Variants in LCP2 observed in about 807,000 individuals in gnomAD.
LCP2 encodes lymphocyte cytosolic protein 2.
Under a neutral mutation model 74.5 loss-of-function variants are expected in LCP2, and 29 were observed. The ratio of observed to expected loss-of-function variants is 0.39; its 90% confidence interval spans 0.29 to 0.53. The LOEUF is 0.53. Among genes scored for constraint, LCP2 ranks in the 20% least tolerant of loss-of-function variants. The probability of loss-of-function intolerance (pLI) is 0.72; values close to 1 mark genes in which losing one functional copy is unlikely to be tolerated. For synonymous variants in LCP2, 228 were observed against 229.5 expected, an observed-to-expected ratio of 0.99 and a Z score of 0.06; for missense variants, 604 against 634.6, an observed-to-expected ratio of 0.95 and a Z score of 0.52.
rs140894085 is a variant in LCP2, at chr5:170,266,037, T to C, written c.772+771A>G. Among the ~76,000 whole-genome samples the C allele has an allele frequency of 8.7e-4, 133 of 152,314 alleles. 1 individual carries two copies. The highest frequency in any genetic ancestry group is 3.2e-3 in the African/African-American group (131 of 41,564). On this transcript the variant is annotated intron_variant, in intron 10 of 20. Transcript: ENST00000046794. ...TAATTTTATCATCTGAGAAGTGAGG[T>C]TAAAAATGCACCTCCTTTGTTGAGT...
intron 10 of LCP2, 111 bp downstream of exon 10, chr5:170,266,697 T>A: frequency 1.1e-6 from 1 of 920,750 alleles, no homozygotes; most frequent in South Asian, 1.4e-5. Context: ...AGTCTCCACT[T>A]CCTAGTATTG....
chr5:170,250,252 CAG>C (rs545820309), intron 20 of LCP2, among the ~76,000 whole-genome samples: 139 of 152,316 alleles, frequency 9.1e-4, no homozygotes, highest in Non-Finnish European at 1.7e-3. Flanking sequence ...CTTGGCCTAA[CAG>C]AGAATTTCTT....
At chr5:170,264,227 T>C (rs1414614013) in intron 10 of LCP2, among the ~76,000 whole-genome samples, 2 of 152,260 alleles carry the variant, frequency 1.3e-5, no homozygotes, top group East Asian at 3.8e-4. Context: ...TCTTCAGACA[T>C]ACTGAAGACC....
Position 170,272,597 on chromosome 5 carries a change from C to CTTTTTTTTTTTTTTTTTTTTTTTTT in LCP2, c.324+1679_325-1681dup, listed in dbSNP as rs61463939. Among the ~76,000 whole-genome samples the CTTTTTTTTTTTTTTTTTTTTTTTTT allele has an allele frequency of 1.2e-4, 5 of 40,342 alleles. 1 individual carries two copies. The highest frequency in any genetic ancestry group is 4.9e-4 in the Admixed American group (1 of 2,048). 26.5% of individuals were successfully genotyped at this position (40,342 alleles called of 152,430 possible). On this transcript the variant is annotated intron_variant, in intron 6 of 20. Coordinates refer to ENST00000046794, the MANE Select transcript of LCP2 (RefSeq NM_005565.5). ...ATAACTGTAACCCATCAAATATTTT[C>CTTTTTTTTTTTTTTTTTTTTTTTTT]TTTTTTTTTTTTTTTTTTTTTTTTT...
In LCP2 at chr5:170,248,551, A is replaced by G. The variant is rs1472718391; in HGVS notation, c.*146T>C. On this transcript the variant is annotated 3_prime_UTR_variant, in exon 21 of 21. Transcript: ENST00000046794. ...ATAGTTGACAGTCTTCATTTCAAAC[A>G]CTGTTTTTAAAGGAAAGGATAAAAC... 6 of 802,834 alleles carry G rather than the reference A, an allele frequency of 7.5e-6. No individual in the cohort carries two copies. Among genetic ancestry groups the G allele is most frequent in the Non-Finnish European group, 1.2e-5 (6 of 491,604 alleles). 49.7% of individuals were successfully genotyped at this position (802,834 alleles called of 1,614,324 possible).
intron 2 of LCP2, among the ~76,000 whole-genome samples, chr5:170,288,615 C>CTCT (rs1194027497): frequency 1.3e-5 from 2 of 152,194 alleles, no homozygotes; most frequent in Non-Finnish European, 2.9e-5. Context: ...GGGCCTCCAC[C>CTCT]TCTTAATGCT....
At chr5:170,296,442 C>T (rs1762386451) in intron 1 of LCP2, among the ~76,000 whole-genome samples, 1 of 152,174 alleles carries the variant, frequency 6.6e-6, no homozygotes, top group African/African-American at 2.4e-5. Flanking sequence ...TTTGGCTATA[C>T]GTCCTAGGGA....
In LCP2 at chr5:170,291,618, G is replaced by A. The variant is rs527281490; in HGVS notation, c.141+1692C>T. 5.3e-5 allele frequency among the ~76,000 whole-genome samples: 8 copies of A among 152,254 alleles called. No individual in the cohort carries two copies. In the South Asian group the frequency reaches 6.2e-4, roughly 12 times the overall value. On this transcript the variant is annotated intron_variant, in intron 2 of 20. Coordinates refer to ENST00000046794, the MANE Select transcript of LCP2 (RefSeq NM_005565.5). ...CCCTGTTCTACCAGGCCTGACACTC[G>A]CACCAGGACTGTTGTGGGGAATTAC...
chr5:170,282,263 G>C (rs1762117926), intron 3 of LCP2, among the ~76,000 whole-genome samples: 2 of 152,190 alleles, frequency 1.3e-5, no homozygotes, highest in South Asian at 4.1e-4. Flanking sequence ...TTCTGTACAT[G>C]AACACAATTT....
chr5:170,263,046 G>C, intron 10 of LCP2, 54 bp from the exon 11 acceptor site: 1 of 1,592,228 alleles, frequency 6.3e-7, no homozygotes, highest in Admixed American at 1.7e-5. Context: ...ATAAGCATGA[G>C]GTTTAAAAAC....
intron 1 of LCP2, 109 bp downstream of exon 1, chr5:170,297,425 T>C: frequency 3.2e-6 from 3 of 931,850 alleles, no homozygotes; most frequent in Non-Finnish European, 4.9e-6. Flanking sequence ...TAGGGTTCCA[T>C]TGCTATCTTA....
In LCP2 at chr5:170,257,827, C is replaced by G. The variant is rs578126399; in HGVS notation, c.1100+210G>C. ...TCAAGGAGGAAGTCAATTCCTCACC[C>G]CTCTCACCTCAAGCAGAGACTCAGA... On this transcript the variant is annotated intron_variant, in intron 16 of 20. Transcript: ENST00000046794. Among the ~76,000 whole-genome samples, 5 of 152,138 alleles carry G rather than the reference C, an allele frequency of 3.3e-5. No homozygotes were observed. In the South Asian group the frequency reaches 1.0e-3, roughly 32 times the overall value.
At chr5:170,295,252 C>T (rs1342020150) in intron 1 of LCP2, among the ~76,000 whole-genome samples, 1 of 152,208 alleles carries the variant, frequency 6.6e-6, no homozygotes, top group African/African-American at 2.4e-5. Context: ...ATTCCAGACA[C>T]AGGACGAGGT....
chr5:170,289,709 CTT>C (rs1762254391), intron 2 of LCP2, among the ~76,000 whole-genome samples: 1 of 132,278 alleles, frequency 7.6e-6, no homozygotes, highest in Non-Finnish European at 1.6e-5. Flanking sequence ...TTCCTTCTTT[CTT>C]TCTTTCCTTT....
rs1761687539 is a variant in LCP2 at position 170,262,988 on chromosome 5, C to A, written c.777G>T (p.Lys259Asn). ...PFDREPFTLGKKPPFSDKPSI... is the reference protein window; with the variant it reads ...PFDREPFTLGNKPPFSDKPSI... ...TTACCTTGTCAGAAAATGGTGGTTT[C>A]TTTCCTGTAAATGACAGAGAGCAGA... Residue 259 changes from lysine (K) to asparagine (N), a missense_variant, in exon 11 of 21, where the codon AAG becomes AAT. Transcript: ENST00000046794. The A allele has an allele frequency of 6.2e-7, 1 of 1,613,774 alleles. No individual in the cohort carries two copies. The highest frequency in any genetic ancestry group is 1.7e-5 in the Admixed American group (1 of 59,984).
chr5:170,295,665 C>T (rs982458636), intron 1 of LCP2, among the ~76,000 whole-genome samples: 2 of 152,186 alleles, frequency 1.3e-5, no homozygotes, highest in African/African-American at 4.8e-5. Flanking sequence ...CAGCTAAGAT[C>T]CATTCCCAAA....
At chr5:170,264,391 G>A (rs1363308020) in intron 10 of LCP2, among the ~76,000 whole-genome samples, 1 of 152,212 alleles carries the variant, frequency 6.6e-6, no homozygotes, top group East Asian at 1.9e-4. Context: ...TCCACACCCA[G>A]GCACAGTTAG....
chr5:170,269,704 C>A (rs1761859388), intron 7 of LCP2, among the ~76,000 whole-genome samples: 1 of 152,222 alleles, frequency 6.6e-6, no homozygotes, highest in Admixed American at 6.5e-5. Context: ...CACCAAGTAA[C>A]CTCATGGCTC....
intron 20 of LCP2, 110 bp downstream of exon 20, chr5:170,250,620 T>G: frequency 3.6e-6 from 3 of 831,234 alleles, no homozygotes; most frequent in Non-Finnish European, 6.1e-6. Context: ...CTCATGTGAT[T>G]TAATCCTAAA....
Sources: gnomAD v4.1 joint callset for allele counts (sites outside exome capture counted in the v4.1 genomes callset) on GRCh38, gnomAD v4.1.1 for gene constraint, MANE v1.5 for transcripts, NCBI Gene and HGNC (gene_info 2026-07-23, HGNC 2026-07-21) for gene names.